The following HDAC9 variants were observed in gnomAD, a reference collection of about 807,000 sequenced individuals.
HDAC9 encodes the protein histone deacetylase 9, also known as MEF-2 interacting transcription repressor (MITR) protein.
In HDAC9, 41 loss-of-function variants were observed where a neutral mutation model predicts 139.4. The ratio of observed to expected loss-of-function variants is 0.29; its 90% confidence interval spans 0.23 to 0.38. The LOEUF (loss-of-function observed/expected upper bound fraction) is 0.38. HDAC9 is among the 10% of genes least tolerant of loss of function. The probability of loss-of-function intolerance (pLI) is 1.00; values close to 1 mark genes in which losing one functional copy is unlikely to be tolerated. For synonymous variants in HDAC9, 517 were observed against 476.2 expected, an observed-to-expected ratio of 1.09 and a Z score of -1.12; for missense variants, 1,147 against 1,297.0, an observed-to-expected ratio of 0.88 and a Z score of 1.78.
At chr7:18,698,577 G>T (rs1783226127) in intron 12 of HDAC9, among the ~76,000 whole-genome samples, 1 of 152,130 alleles carries the variant, frequency 6.6e-6, no homozygotes, top group Non-Finnish European at 1.5e-5. Flanking sequence ...AGTCTAAATG[G>T]CTTTATGGTA....
intron 1 of HDAC9, among the ~76,000 whole-genome samples, chr7:18,116,204 C>A (rs1198052390): frequency 6.6e-6 from 1 of 151,972 alleles, no homozygotes; most frequent in Non-Finnish European, 1.5e-5. Flanking sequence ...TAGATTAGTT[C>A]ATTTTTTAGG....
At chr7:18,489,525 G>T (rs1317452824) in intron 1 of HDAC9, among the ~76,000 whole-genome samples, 1 of 151,696 alleles carries the variant, frequency 6.6e-6, no homozygotes, top group Non-Finnish European at 1.5e-5. Context: ...TAAAATTTAG[G>T]GAAGACTTGA....
intron 12 of HDAC9, among the ~76,000 whole-genome samples, chr7:18,709,378 A>G (rs1282349248): frequency 6.6e-6 from 1 of 152,132 alleles, no homozygotes; most frequent in Non-Finnish European, 1.5e-5. Flanking sequence ...ACATGATCTC[A>G]TTCCTTTTTA....
upstream of HDAC9, among the ~76,000 whole-genome samples, chr7:18,286,431 A>G (rs977077375): frequency 6.7e-5 from 10 of 149,042 alleles, no homozygotes; most frequent in Non-Finnish European, 1.3e-4. Context: ...AATAATAATT[A>G]TAGTTTATAT....
intron 16 of HDAC9, among the ~76,000 whole-genome samples, chr7:18,772,259 A>G (rs1585010247): frequency 6.6e-6 from 1 of 152,104 alleles, no homozygotes; most frequent in South Asian, 2.1e-4. Flanking sequence ...TGTTCAGGCA[A>G]TAGAACACAC....
rs1447437602 is a variant in HDAC9, at chr7:19,001,718, C to T, written c.*5656C>T. On this transcript the variant is annotated 3_prime_UTR_variant, in exon 26 of 26. Coordinates refer to ENST00000686413, the MANE Select transcript of HDAC9 (RefSeq NM_178425.4). ...ACGTCAGTGTCTACCTCCACAGTAA[C>T]TATGATATAGGAAATTGTCCTTTCA... 3 of 151,948 alleles carry T rather than the reference C, an allele frequency of 2.0e-5. No homozygotes were observed. The highest frequency in any genetic ancestry group is 2.9e-5 in the Non-Finnish European group (2 of 67,942). 9.4% of individuals were successfully genotyped at this position (151,948 alleles called of 1,614,324 possible).
intron 1 of HDAC9, among the ~76,000 whole-genome samples, chr7:18,431,320 G>C (rs1790639544): frequency 6.6e-6 from 1 of 152,156 alleles, no homozygotes. Flanking sequence ...GAAAATAGGA[G>C]ATATTCCTTG....
upstream of HDAC9, among the ~76,000 whole-genome samples, chr7:18,286,621 G>A (rs2128222500): frequency 6.6e-6 from 1 of 151,846 alleles, no homozygotes; most frequent in African/African-American, 2.4e-5. Flanking sequence ...CTTTAGCAGA[G>A]TGAAGGATAA....
At chr7:18,484,048 T>C (rs1025084191) in intron 1 of HDAC9, among the ~76,000 whole-genome samples, 9 of 151,812 alleles carry the variant, frequency 5.9e-5, no homozygotes, top group African/African-American at 2.2e-4. Flanking sequence ...GGCTAAATAT[T>C]TAAAATACTG....
intron 1 of HDAC9, among the ~76,000 whole-genome samples, chr7:18,443,538 T>C (rs1387509155): frequency 5.3e-5 from 8 of 152,218 alleles, no homozygotes; most frequent in African/African-American, 1.7e-4. Flanking sequence ...TTGTTAGTTA[T>C]GGTCCATTCT....
At chr7:18,325,250 C>T (rs534106150) in intron 1 of HDAC9, among the ~76,000 whole-genome samples, 3 of 152,116 alleles carry the variant, frequency 2.0e-5, no homozygotes, top group African/African-American at 4.8e-5. Flanking sequence ...TGATGCTCAG[C>T]GCTTTTCAAA....
intron 1 of HDAC9, among the ~76,000 whole-genome samples, chr7:18,313,502 G>A (rs1192137684): frequency 6.6e-6 from 1 of 152,162 alleles, no homozygotes; most frequent in Non-Finnish European, 1.5e-5. Context: ...CTCTTGCTCA[G>A]CATTTAGTAA....
chr7:18,714,609 C>T (rs1784572721), intron 12 of HDAC9, among the ~76,000 whole-genome samples: 1 of 152,320 alleles, frequency 6.6e-6, no homozygotes, highest in African/African-American at 2.4e-5. Flanking sequence ...ACATGCTATG[C>T]TGTCTACATG....
intron 1 of HDAC9, among the ~76,000 whole-genome samples, chr7:18,129,834 T>G (rs1293211476): frequency 1.3e-5 from 2 of 152,120 alleles, no homozygotes; most frequent in African/African-American, 4.8e-5. Context: ...TAAACACAAA[T>G]GAATATGTAA....
At chr7:18,373,456 C>T (rs1309780757) in intron 1 of HDAC9, among the ~76,000 whole-genome samples, 1 of 152,090 alleles carries the variant, frequency 6.6e-6, no homozygotes, top group African/African-American at 2.4e-5. Context: ...TATTACAATA[C>T]AAAAAGATGT....
At chr7:18,149,558 TA>T (rs1246384195) in intron 1 of HDAC9, among the ~76,000 whole-genome samples, 17 of 151,104 alleles carry the variant, frequency 1.1e-4, no homozygotes, top group African/African-American at 2.4e-4. Flanking sequence ...TATTTATTAT[TA>T]TTTTTTTTTG....
chr7:18,719,331 CTTTT>C (rs757689693), intron 12 of HDAC9, among the ~76,000 whole-genome samples: 753 of 73,882 alleles, frequency 0.01, 4 homozygotes, highest in African/African-American at 0.044. Context: ...TTTTCTCTTC[CTTTT>C]TTTTTTTTTT....
In HDAC9 at chr7:18,997,567, T is replaced by G. The variant is rs1786538748; in HGVS notation, c.*1505T>G. ...ATATATTTTTCTAACTCAAAGGATA[T>G]ATTAAAGCCATAAGTGAAGATTGTC... On this transcript the variant is annotated 3_prime_UTR_variant, in exon 26 of 26. Transcript: ENST00000686413. 1 of 152,144 alleles carries G rather than the reference T, an allele frequency of 6.6e-6. No homozygotes were observed. The highest frequency in any genetic ancestry group is 1.5e-5 in the Non-Finnish European group (1 of 67,998). 9.4% of individuals were successfully genotyped at this position (152,144 alleles called of 1,614,324 possible). A position where few individuals can be genotyped will look rare whatever the true frequency, so the allele number is the denominator to read the frequency against.
At position 18,887,575 on chromosome 7, in the gene HDAC9, A is replaced by G. The variant is rs187015197; in HGVS notation, c.2803+12979A>G. Reference sequence around the variant, plus strand: ...TAAATAAAATGCTTTGCAAAATGTGACACTCTACATATAATAACGTATAAA... The same window carrying G: ...TAAATAAAATGCTTTGCAAAATGTGGCACTCTACATATAATAACGTATAAA... On this transcript the variant is annotated intron_variant, in intron 22 of 25. Coordinates refer to ENST00000686413, the MANE Select transcript of HDAC9 (RefSeq NM_178425.4). Among the ~76,000 whole-genome samples the G allele has an allele frequency of 2.2e-3, 328 of 152,292 alleles. 2 individuals carry two copies. Among genetic ancestry groups the G allele is most frequent in the Middle Eastern group, 0.014 (4 of 294 alleles).
Sources: allele counts gnomAD v4.1 joint callset (sites outside exome capture counted in the v4.1 genomes callset), GRCh38; gene constraint gnomAD v4.1.1; transcripts MANE v1.5; gene names NCBI Gene and HGNC (gene_info 2026-07-23, HGNC 2026-07-21).